Variants in ITGB5 observed in about 807,000 individuals in gnomAD.
ITGB5 encodes integrin beta-5.
Under a neutral mutation model 84.8 loss-of-function variants are expected in ITGB5, and 38 were observed. The observed-to-expected ratio is 0.45, with a 90% CI of 0.35 to 0.59. ITGB5 has a LOEUF of 0.59. Ranked by LOEUF, ITGB5 falls within the 20% of genes least tolerant of loss-of-function variation. ITGB5 has a pLI of 0.01. For synonymous variants in ITGB5, 393 were observed against 414.4 expected (o/e 0.95, Z 0.63); for missense variants, 905 against 1,034.5 (o/e 0.87, Z 1.72).
At chr3:124,808,602 TCTTTA>T (rs1450034941) in intron 9 of ITGB5, among the ~76,000 whole-genome samples, 1 of 152,246 alleles carries the variant, frequency 6.6e-6, no homozygotes, top group Admixed American at 6.5e-5. Flanking sequence ...GGAGTGGCTT[TCTTTA>T]CATTTCACAG....
intron 1 of ITGB5, among the ~76,000 whole-genome samples, chr3:124,881,827 G>C (rs903605174): frequency 2.0e-5 from 3 of 152,154 alleles, no homozygotes; most frequent in Non-Finnish European, 2.9e-5. Context: ...AATAAGCCAG[G>C]TGCGGTGGTG....
At chr3:124,894,042 A>G (rs1935049940) in intron 1 of ITGB5, among the ~76,000 whole-genome samples, 1 of 151,604 alleles carries the variant, frequency 6.6e-6, no homozygotes, top group Admixed American at 6.6e-5. Context: ...CTTTTTAATT[A>G]TATATTCTAG....
intron 9 of ITGB5, among the ~76,000 whole-genome samples, chr3:124,803,148 G>T (rs1202396167): frequency 1.3e-5 from 2 of 152,182 alleles, no homozygotes; most frequent in Non-Finnish European, 2.9e-5. Context: ...TCTTTTTCAA[G>T]TTCTGGACAA....
In ITGB5 at chr3:124,763,682, G is replaced by C; in HGVS notation, c.2341C>G (p.His781Asp). 6.2e-7 allele frequency: 1 copy of C among 1,609,656 alleles called. No individual in the cohort carries two copies. Among genetic ancestry groups the C allele is most frequent in the Non-Finnish European group, 8.5e-7 (1 of 1,175,886 alleles). The change falls in exon 15 of 15, where the codon CAC (histidine) becomes GAC (aspartate). Residue 781 changes from histidine to aspartate, a missense_variant. Coordinates refer to ENST00000296181, the MANE Select transcript of ITGB5 (RefSeq NM_002213.5). ...TTGTTGAAGGTGAAGTCCACAGTGT[G>C]CGTGGAGATAGGCTTTCTGTATAAT... ...NPLYRKPISTHTVDFTFNKFN... is the reference protein window; with the variant it reads ...NPLYRKPISTDTVDFTFNKFN...
At chr3:124,833,797 GGA>G (rs1038763522) in intron 5 of ITGB5, among the ~76,000 whole-genome samples, 1 of 152,128 alleles carries the variant, frequency 6.6e-6, no homozygotes, top group Non-Finnish European at 1.5e-5. Context: ...TCTGGTGCTG[GGA>G]ATATAGTCAT....
In ITGB5 at chr3:124,844,256, T is replaced by C. The variant is rs576132150; in HGVS notation, c.612-2705A>G. ...AAGAAAACACCAAAAAACAAATGAA[T>C]GGACTTAAAAGAATAGGTGGGGGCT... On this transcript the variant is annotated intron_variant, in intron 4 of 14. Coordinates refer to ENST00000296181, the MANE Select transcript of ITGB5 (RefSeq NM_002213.5). Among the ~76,000 whole-genome samples the C allele has an allele frequency of 3.0e-3, 337 of 111,018 alleles. 2 individuals are homozygous for C. In the South Asian group the frequency reaches 0.031, roughly 10 times the overall value. 72.8% of individuals were successfully genotyped at this position (111,018 alleles called of 152,430 possible). A position where few individuals can be genotyped will look rare whatever the true frequency, so the allele number is the denominator to read the frequency against.
chr3:124,856,439 A>G (rs1177654578), intron 3 of ITGB5, among the ~76,000 whole-genome samples: 1 of 152,232 alleles, frequency 6.6e-6, no homozygotes, highest in Non-Finnish European at 1.5e-5. Flanking sequence ...ATTCTAGATG[A>G]GGAGTTCAGA....
intron 8 of ITGB5, 147 bp from the exon 9 acceptor site, chr3:124,809,303 C>T: frequency 1.4e-6 from 1 of 711,922 alleles, no homozygotes; most frequent in Non-Finnish European, 2.4e-6. Context: ...GTTCCCTGGC[C>T]CTCCCTCATC....
At chr3:124,833,665 T>A (rs7635307) in intron 5 of ITGB5, among the ~76,000 whole-genome samples, 2 of 152,094 alleles carry the variant, frequency 1.3e-5, no homozygotes, top group African/African-American at 2.4e-5. Context: ...CCATCCAGGA[T>A]GGGACAAGCT....
intron 5 of ITGB5, among the ~76,000 whole-genome samples, chr3:124,837,863 A>G (rs1243375175): frequency 6.6e-6 from 1 of 152,244 alleles, no homozygotes; most frequent in East Asian, 1.9e-4. Flanking sequence ...CAGGGGAAGT[A>G]GAGCGTGCAG....
At chr3:124,847,661 G>A (rs1446432641) in intron 4 of ITGB5, among the ~76,000 whole-genome samples, 1 of 152,176 alleles carries the variant, frequency 6.6e-6, no homozygotes, top group East Asian at 1.9e-4. Context: ...CTGCTTGCAG[G>A]AGAAGTTCCA....
intron 5 of ITGB5, among the ~76,000 whole-genome samples, chr3:124,827,879 C>T (rs892197782): frequency 2.0e-5 from 3 of 151,658 alleles, no homozygotes; most frequent in Non-Finnish European, 2.9e-5. Context: ...CTCAAAAGCT[C>T]CCCCACTGAG....
At chr3:124,859,132 G>C in intron 3 of ITGB5, 110 bp downstream of exon 3, 1 of 1,004,756 alleles carries the variant, frequency 1.0e-6, no homozygotes, top group Non-Finnish European at 1.5e-6. Context: ...ACCATCTCGT[G>C]GCTCTGATCT....
intron 1 of ITGB5, among the ~76,000 whole-genome samples, chr3:124,885,016 A>T (rs35900531): frequency 0.41 from 62,282 of 152,120 alleles, 13,066 homozygotes; most frequent in East Asian, 0.67. Flanking sequence ...CATGCCTGTA[A>T]TTGAAGCACT....
intron 1 of ITGB5, among the ~76,000 whole-genome samples, chr3:124,893,368 C>G (rs986462083): frequency 2.0e-5 from 3 of 151,856 alleles, no homozygotes; most frequent in African/African-American, 7.3e-5. Context: ...AGATCGCACC[C>G]CTGCACTCCA....
intron 5 of ITGB5, among the ~76,000 whole-genome samples, chr3:124,829,859 CCTCT>C (rs1322189491): frequency 6.6e-6 from 1 of 152,178 alleles, no homozygotes. Flanking sequence ...TCATCACTCG[CCTCT>C]CTCTTTTAAG....
intron 10 of ITGB5, among the ~76,000 whole-genome samples, chr3:124,787,186 C>T (rs1291148285): frequency 6.6e-6 from 1 of 152,200 alleles, no homozygotes; most frequent in Non-Finnish European, 1.5e-5. Flanking sequence ...TGTTGGCAAA[C>T]TTCTCTTCCT....
chr3:124,817,249 C>T (rs2064616089), intron 8 of ITGB5, among the ~76,000 whole-genome samples: 1 of 152,122 alleles, frequency 6.6e-6, no homozygotes, highest in Non-Finnish European at 1.5e-5. Flanking sequence ...CTCCCTCAGG[C>T]AGAGAATACG....
rs760332415 is a variant in ITGB5 at position 124,761,983 on chromosome 3, GAA to G, written c.*1638_*1639del. On this transcript the variant is annotated 3_prime_UTR_variant, in exon 15 of 15. Coordinates refer to ENST00000296181, the MANE Select transcript of ITGB5 (RefSeq NM_002213.5). ...AATTACATTTATTTTTCTCAATTCA[GAA>G]AAGTCTCAACACCACAATTTATCTG... 3 of 152,076 alleles carry G rather than the reference GAA, an allele frequency of 2.0e-5. No homozygotes were observed. The highest frequency in any genetic ancestry group is 4.4e-5 in the Non-Finnish European group (3 of 68,018). 9.4% of individuals were successfully genotyped at this position (152,076 alleles called of 1,614,324 possible).
Sources: gnomAD v4.1 joint callset for allele counts (sites outside exome capture counted in the v4.1 genomes callset) on GRCh38, gnomAD v4.1.1 for gene constraint, MANE v1.5 for transcripts, NCBI Gene and HGNC (gene_info 2026-07-23, HGNC 2026-07-21) for gene names.